PREP: variants seen among roughly 807,000 people sequenced by gnomAD.
PREP encodes dJ355L5.1 (prolyl endopeptidase).
A neutral mutation model predicts 87.6 loss-of-function variants in PREP; 29 were observed. That is an observed-to-expected ratio of 0.33 (90% CI 0.25 to 0.45). The LOEUF is 0.45. Ranked by LOEUF, PREP falls within the 20% of genes least tolerant of loss-of-function variation. The probability of loss-of-function intolerance (pLI) is 1.00; values close to 1 mark genes in which losing one functional copy is unlikely to be tolerated. For missense variants in PREP, 695 were observed against 886.5 expected (o/e 0.78, Z 2.74); for synonymous variants, 337 against 328.6 (o/e 1.03, Z -0.28).
At position 105,274,371 on chromosome 6, in the gene PREP, C is replaced by G. The variant is rs146592786; in HGVS notation, c.*3773G>C. On this transcript the variant is annotated 3_prime_UTR_variant, in exon 15 of 15. Coordinates refer to ENST00000652536, the MANE Select transcript of PREP (RefSeq NM_002726.5). ...TGAGGATTCCGCTCTCATGACCCATCGCCTCCTGAAGGCCCTGCCTCCTAA... is the reference window on the plus strand; with the variant it reads ...TGAGGATTCCGCTCTCATGACCCATGGCCTCCTGAAGGCCCTGCCTCCTAA... Among the ~76,000 whole-genome samples the G allele has an allele frequency of 6.6e-6, 1 of 152,162 alleles. No individual in the cohort carries two copies. Among genetic ancestry groups the G allele is most frequent in the South Asian group, 2.1e-4 (1 of 4,826 alleles).
intron 10 of PREP, among the ~76,000 whole-genome samples, chr6:105,292,776 C>T (rs768355940): frequency 7.2e-5 from 11 of 152,200 alleles, no homozygotes; most frequent in Non-Finnish European, 1.2e-4. Context: ...CAACAGTGAT[C>T]TTAGCTAGAT....
At chr6:105,352,896 C>T in intron 7 of PREP, 76 bp downstream of exon 7, 1 of 1,319,876 alleles carries the variant, frequency 7.6e-7, no homozygotes, top group Non-Finnish European at 1.1e-6. Flanking sequence ...CTTGGGAAAT[C>T]AATTAATAGA....
At chr6:105,398,069 C>T in intron 1 of PREP, 142 bp from the exon 2 acceptor site, 1 of 644,454 alleles carries the variant, frequency 1.6e-6, no homozygotes, top group Non-Finnish European at 2.7e-6. Context: ...CCCAAATTAC[C>T]ACATGAACCA....
At chr6:105,395,848 A>G (rs1000315947) in intron 2 of PREP, among the ~76,000 whole-genome samples, 2 of 152,254 alleles carry the variant, frequency 1.3e-5, no homozygotes, top group African/African-American at 4.8e-5. Context: ...CCTTAGAGAC[A>G]GTTTTCCAAG....
Position 105,389,242 on chromosome 6 carries a change from G to A in PREP, c.120+8611C>T, listed in dbSNP as rs146162264. On this transcript the variant is annotated intron_variant, in intron 2 of 14. Coordinates refer to ENST00000652536, the MANE Select transcript of PREP (RefSeq NM_002726.5). Reference sequence around the variant, plus strand: ...ACATACATTTTCTCACTTGGGTGTTGTTATAACTGGGAGCTAAATTAATGA... The same window carrying A: ...ACATACATTTTCTCACTTGGGTGTTATTATAACTGGGAGCTAAATTAATGA... 2.6e-5 allele frequency among the ~76,000 whole-genome samples: 4 copies of A among 152,294 alleles called. No homozygotes were observed. In the East Asian group the frequency reaches 7.7e-4, roughly 29 times the overall value.
In PREP at chr6:105,340,234, T is replaced by A. The variant is rs545387803; in HGVS notation, c.824-6729A>T. On this transcript the variant is annotated intron_variant, in intron 7 of 14. Transcript: ENST00000652536. ...CAAGCCACAAGAGAGTGGGGGCCAA[T>A]ATTCAACATTCTTAAAGAAAACAAT... Among the ~76,000 whole-genome samples, 5 of 152,274 alleles carry A rather than the reference T, an allele frequency of 3.3e-5. No homozygotes were observed. The East Asian group carries it at 7.7e-4, about 23-fold the overall frequency.
At chr6:105,308,538 C>T (rs945752488) in intron 10 of PREP, among the ~76,000 whole-genome samples, 8 of 151,992 alleles carry the variant, frequency 5.3e-5, no homozygotes, top group Admixed American at 2.0e-4. Flanking sequence ...CTAGATCACA[C>T]AAAAAATTTC....
intron 6 of PREP, among the ~76,000 whole-genome samples, chr6:105,356,358 G>A (rs1024798180): frequency 2.0e-5 from 3 of 152,148 alleles, no homozygotes; most frequent in Non-Finnish European, 4.4e-5. Context: ...GAATGTGAAC[G>A]TCTCCCAGCT....
At chr6:105,323,793 T>A in intron 9 of PREP, 25 bp from the exon 10 acceptor site, 1 of 1,574,310 alleles carries the variant, frequency 6.4e-7, no homozygotes, top group East Asian at 2.2e-5. Flanking sequence ...AAGGCTTGGT[T>A]TAGTCTACGG....
intron 10 of PREP, among the ~76,000 whole-genome samples, chr6:105,303,084 G>T (rs1174390960): frequency 6.6e-6 from 1 of 151,996 alleles, no homozygotes; most frequent in Non-Finnish European, 1.5e-5. Flanking sequence ...AACAGGCAAT[G>T]CCTCTCCATT....
chr6:105,289,882 G>T (rs566373819), intron 10 of PREP, among the ~76,000 whole-genome samples: 2 of 152,214 alleles, frequency 1.3e-5, no homozygotes, highest in East Asian at 3.9e-4. Context: ...TTTATCCATA[G>T]CTTTTTAAGG....
chr6:105,345,116 G>C (rs1210720994), intron 7 of PREP, among the ~76,000 whole-genome samples: 1 of 152,212 alleles, frequency 6.6e-6, no homozygotes, highest in Admixed American at 6.5e-5. Flanking sequence ...GGCTTTGGTA[G>C]AGAAATAAAT....
intron 7 of PREP, among the ~76,000 whole-genome samples, chr6:105,340,333 G>C (rs1771608277): frequency 6.6e-6 from 1 of 152,024 alleles, no homozygotes; most frequent in Admixed American, 6.6e-5. Context: ...TTTACAGACA[G>C]ACAAACTCTG....
At chr6:105,378,760 T>C (rs1254558834) in intron 2 of PREP, among the ~76,000 whole-genome samples, 1 of 152,206 alleles carries the variant, frequency 6.6e-6, no homozygotes, top group Non-Finnish European at 1.5e-5. Flanking sequence ...CAGATGTCTA[T>C]AAATAAGTAA....
chr6:105,340,489 A>G lies in PREP; in HGVS notation c.824-6984T>C, dbSNP rs553364689. Among the ~76,000 whole-genome samples the G allele has an allele frequency of 3.9e-5, 6 of 152,332 alleles. No individual in the cohort carries two copies. In the South Asian group the frequency reaches 1.2e-3, roughly 32 times the overall value. On this transcript the variant is annotated intron_variant, in intron 7 of 14. Transcript: ENST00000652536. ...TTAGGAAGAAACTGCATCAACTAAC[A>G]GACAAAATAACCAGCTAACATCATA... is the stretch of plus-strand genomic sequence containing the variant.
At chr6:105,282,046 TGCCCAATA>T in intron 13 of PREP, 144 bp from the exon 14 acceptor site, 1 of 1,010,064 alleles carries the variant, frequency 9.9e-7, no homozygotes, top group South Asian at 1.8e-5. Flanking sequence ...AGAAATCACC[TGCCCAATA>T]GCCCCAAAGC....
chr6:105,300,229 C>T (rs930664186), intron 10 of PREP, among the ~76,000 whole-genome samples: 15 of 152,152 alleles, frequency 9.9e-5, no homozygotes, highest in African/African-American at 3.4e-4. Flanking sequence ...AGGAGACTCA[C>T]TCAAACATTT....
chr6:105,303,266 C>T (rs1419608831), intron 10 of PREP, among the ~76,000 whole-genome samples: 1 of 152,070 alleles, frequency 6.6e-6, no homozygotes, highest in Non-Finnish European at 1.5e-5. Flanking sequence ...GGTCTCATTA[C>T]GTTGTCCAGG....
rs118079760 is a variant in PREP at position 105,276,384 on chromosome 6, A to G, written c.*1760T>C. Among the ~76,000 whole-genome samples the G allele has an allele frequency of 8.7e-3, 1,320 of 152,338 alleles. 50 individuals are homozygous for G. In the East Asian group the frequency reaches 0.11, roughly 13 times the overall value. On this transcript the variant is annotated 3_prime_UTR_variant, in exon 15 of 15. Coordinates refer to ENST00000652536, the MANE Select transcript of PREP (RefSeq NM_002726.5). ...TTTTCTGCTGTAAAGCAGACCTCAG[A>G]AAGTATGGTTAGATTCTGTGCAACC... is the stretch of plus-strand genomic sequence containing the variant.
Sources: gnomAD v4.1 joint callset for allele counts (sites outside exome capture counted in the v4.1 genomes callset) on GRCh38, gnomAD v4.1.1 for gene constraint, MANE v1.5 for transcripts, NCBI Gene and HGNC (gene_info 2026-07-23, HGNC 2026-07-21) for gene names.